Variants in NPAS3 observed in about 807,000 individuals in gnomAD.
The protein encoded by NPAS3 is neuronal PAS domain protein 3.
NPAS3 carries 14 observed loss-of-function variants against 73.1 expected under a neutral mutation model. The ratio of observed to expected loss-of-function variants is 0.19; its 90% CI spans 0.13 to 0.30. The LOEUF is 0.30. NPAS3 is among the 10% of genes least tolerant of loss of function. The pLI is 1.00. For synonymous variants in NPAS3, 620 were observed against 541.5 expected (o/e 1.14, Z -2.01); for missense variants, 1,096 against 1,250.0 (o/e 0.88, Z 1.86).
downstream of NPAS3, chr14:33,802,904 T>TC (rs1163916510): frequency 6.6e-6 from 1 of 152,054 alleles, no homozygotes; most frequent in Non-Finnish European, 1.5e-5. Context: ...TCTCCCCCTC[T>TC]CCCTCCTCTT....
At chr14:33,676,519 T>A (rs1482794689) in intron 6 of NPAS3, 134 bp downstream of exon 6, 2 of 575,198 alleles carry the variant, frequency 3.5e-6, no homozygotes, top group East Asian at 3.4e-5. Context: ...TCCAGTCCCA[T>A]GCAGTAATTA....
intron 2 of NPAS3, among the ~76,000 whole-genome samples, chr14:33,094,325 C>G (rs373761677): frequency 6.6e-6 from 1 of 152,018 alleles, no homozygotes; most frequent in Non-Finnish European, 1.5e-5. Flanking sequence ...TTTAGTTATT[C>G]AATTTATTAT....
intron 1 of NPAS3, among the ~76,000 whole-genome samples, chr14:32,959,344 G>A (rs2036812316): frequency 6.6e-6 from 1 of 152,010 alleles, no homozygotes; most frequent in Non-Finnish European, 1.5e-5. Context: ...CAGTTGTGAG[G>A]GTGTGTGTGT....
At chr14:33,134,019 C>T (rs1405200569) in intron 2 of NPAS3, among the ~76,000 whole-genome samples, 3 of 152,070 alleles carry the variant, frequency 2.0e-5, no homozygotes, top group Non-Finnish European at 4.4e-5. Flanking sequence ...TGGTAAAGTT[C>T]GCTTTCTATA....
At chr14:33,426,128 C>A (rs931393451) in intron 4 of NPAS3, among the ~76,000 whole-genome samples, 1 of 151,942 alleles carries the variant, frequency 6.6e-6, no homozygotes, top group Non-Finnish European at 1.5e-5. Context: ...AGTAATCAGC[C>A]AGTAAAGGGA....
intron 4 of NPAS3, among the ~76,000 whole-genome samples, chr14:33,417,736 C>T (rs947703178): frequency 2.0e-5 from 3 of 151,554 alleles, no homozygotes; most frequent in Admixed American, 2.0e-4. Flanking sequence ...ATAAAGCAAC[C>T]TGGGCAATGT....
At position 33,482,422 on chromosome 14, in the gene NPAS3, A is replaced by G. The variant is rs145938661; in HGVS notation, c.469-77699A>G. Among the ~76,000 whole-genome samples, 1,303 of 152,264 alleles carry G rather than the reference A, an allele frequency of 8.6e-3. 23 individuals carry two copies. The highest frequency in any genetic ancestry group is 0.029 in the African/African-American group (1,223 of 41,550). On this transcript the variant is annotated intron_variant, in intron 4 of 11. Coordinates refer to ENST00000356141, the Ensembl canonical transcript of NPAS3. ...TATTCCTCTAACCTATGGGATTATA[A>G]TCTTCTGGTCACTATAACTACAGAA...
At chr14:33,090,955 A>AAAGACAT (rs1566550456) in intron 2 of NPAS3, among the ~76,000 whole-genome samples, 1 of 150,980 alleles carries the variant, frequency 6.6e-6, no homozygotes, top group African/African-American at 2.4e-5. Context: ...CAATGAGAAC[A>AAAGACAT]AACATACCAG....
intron 4 of NPAS3, among the ~76,000 whole-genome samples, chr14:33,463,539 G>A (rs1293988454): frequency 6.6e-6 from 1 of 152,122 alleles, no homozygotes; most frequent in Non-Finnish European, 1.5e-5. Context: ...TACACATAAG[G>A]AGATTTCAAA....
At chr14:33,458,555 TGAA>T (rs1030910930) in intron 4 of NPAS3, among the ~76,000 whole-genome samples, 30 of 152,338 alleles carry the variant, frequency 2.0e-4, no homozygotes, top group East Asian at 1.9e-4. Flanking sequence ...GTTAAATTCT[TGAA>T]GAAGGAAACA....
intron 2 of NPAS3, among the ~76,000 whole-genome samples, chr14:33,205,402 G>C (rs1041474420): frequency 2.6e-5 from 4 of 151,960 alleles, no homozygotes; most frequent in African/African-American, 9.7e-5. Flanking sequence ...TTTTTCGTAA[G>C]GTTTTCTATA....
chr14:33,360,940 G>C (rs2045571691), intron 3 of NPAS3, among the ~76,000 whole-genome samples: 1 of 152,014 alleles, frequency 6.6e-6, no homozygotes, highest in Non-Finnish European at 1.5e-5. Flanking sequence ...TCCCTCAAGT[G>C]CTGTCACTCC....
At chr14:33,207,814 T>G (rs568199865) in intron 2 of NPAS3, among the ~76,000 whole-genome samples, 35 of 152,296 alleles carry the variant, frequency 2.3e-4, no homozygotes, top group African/African-American at 8.2e-4. Flanking sequence ...TCTTGGCATT[T>G]AGTCTTATAT....
chr14:33,167,428 TACAC>T (rs201795728), intron 2 of NPAS3, among the ~76,000 whole-genome samples: 1 of 151,616 alleles, frequency 6.6e-6, no homozygotes, highest in African/African-American at 2.4e-5. Context: ...GACACACACA[TACAC>T]ACACACACGC....
intron 3 of NPAS3, among the ~76,000 whole-genome samples, chr14:33,281,314 G>A (rs1332634608): frequency 2.6e-5 from 4 of 152,178 alleles, no homozygotes; most frequent in African/African-American, 9.6e-5. Flanking sequence ...TGTGGCAGAT[G>A]ATTTAGAAAT....
Position 33,356,936 on chromosome 14 carries a change from T to C in NPAS3, c.386-10250T>C, listed in dbSNP as rs552028270. ...GTGGTGAAAAGTATAAAAATATTGC[T>C]TACATATGTTCTCGATTCTAGGTCA... On this transcript the variant is annotated intron_variant, in intron 3 of 11. Transcript: ENST00000356141. Among the ~76,000 whole-genome samples, 3 of 152,322 alleles carry C rather than the reference T, an allele frequency of 2.0e-5. No homozygotes were observed. The East Asian group carries it at 5.8e-4, about 29-fold the overall frequency.
intron 5 of NPAS3, among the ~76,000 whole-genome samples, chr14:33,595,872 G>A (rs138757065): frequency 0.011 from 1,658 of 152,144 alleles, 26 homozygotes; most frequent in African/African-American, 0.037. Flanking sequence ...GGGTTTCACC[G>A]TGTTAGCCAG....
chr14:33,705,185 G>A (rs2060623311), intron 6 of NPAS3, among the ~76,000 whole-genome samples: 1 of 152,288 alleles, frequency 6.6e-6, no homozygotes, highest in East Asian at 1.9e-4. Context: ...AGATAAACAT[G>A]ATCTGTTTTA....
chr14:33,684,604 C>T (rs1321759636), intron 6 of NPAS3, among the ~76,000 whole-genome samples: 1 of 152,166 alleles, frequency 6.6e-6, no homozygotes, highest in African/African-American at 2.4e-5. Flanking sequence ...AGCCTCTTTG[C>T]TCTCATTCTT....
Sources: allele counts gnomAD v4.1 joint callset (sites outside exome capture counted in the v4.1 genomes callset), GRCh38; gene constraint gnomAD v4.1.1; transcripts MANE v1.5; gene names NCBI Gene and HGNC (gene_info 2026-07-23, HGNC 2026-07-21).